DNAH7: variants seen among roughly 807,000 people sequenced by gnomAD.
The protein encoded by DNAH7 is dynein axonemal heavy chain 7, also known as axonemal beta dynein heavy chain 7.
In DNAH7, 397 loss-of-function variants were observed where a neutral mutation model predicts 444.6. The observed-to-expected ratio is 0.89, with a 90% CI of 0.82 to 0.97. DNAH7 has a LOEUF of 0.97. Ranked by LOEUF, DNAH7 falls within the 50% of genes least tolerant of loss-of-function variation. The pLI is 0.00. For synonymous variants in DNAH7, 1,636 were observed against 1,624.4 expected (o/e 1.01, Z -0.17); for missense variants, 4,902 against 4,800.8 (o/e 1.02, Z -0.62).
chr2:195,943,597 T>C (rs1322566471), intron 19 of DNAH7, among the ~76,000 whole-genome samples: 3 of 152,202 alleles, frequency 2.0e-5, no homozygotes, highest in Non-Finnish European at 4.4e-5. Flanking sequence ...TGTTGGCAGC[T>C]TGAGTGCACC....
chr2:195,747,010 A>G (rs915700037), intron 63 of DNAH7, among the ~76,000 whole-genome samples: 6 of 152,174 alleles, frequency 3.9e-5, no homozygotes, highest in Non-Finnish European at 7.4e-5. Context: ...GCAGAACTGA[A>G]GGAAATAGAG....
Position 195,740,791 on chromosome 2 carries a change from T to C in DNAH7, c.11843A>G (p.Lys3948Arg), listed in dbSNP as rs374466394. Residue 3948 changes from lysine to arginine, a missense_variant, in exon 64 of 65, where the codon AAA (lysine) becomes AGA (arginine). Coordinates refer to ENST00000312428, the MANE Select transcript of DNAH7 (RefSeq NM_018897.3). ...CACAGGCACTGTATCATAAAGAATT[T>C]TGGGATGCGATTCTGCAAGTTTCTT... ...KIKKLAESHP[K>R]ILYDTVPVMW... 1 of 1,553,034 alleles carries C rather than the reference T, an allele frequency of 6.4e-7. No individual in the cohort carries two copies. The highest frequency in any genetic ancestry group is 8.7e-7 in the Non-Finnish European group (1 of 1,148,594).
chr2:195,959,130 T>C (rs1690902458), intron 18 of DNAH7, among the ~76,000 whole-genome samples: 1 of 152,182 alleles, frequency 6.6e-6, no homozygotes, highest in African/African-American at 2.4e-5. Flanking sequence ...GTCTTACGTA[T>C]ATTAACACAT....
chr2:195,816,625 TAC>T lies in DNAH7; in HGVS notation c.9761+1_9761+2del. Reference sequence around the variant, plus strand: ...AATATTAACTAGTATTTCCTTTACATACCTTTTTGCCAAAATTTCTGATTTCT... The same window carrying T: ...AATATTAACTAGTATTTCCTTTACATCTTTTTGCCAAAATTTCTGATTTCT... On this transcript the variant is annotated splice_donor_variant, in intron 51 of 64. Transcript: ENST00000312428. LOFTEE classifies it high-confidence loss of function. The T allele has an allele frequency of 6.2e-7, 1 of 1,607,566 alleles. No individual in the cohort carries two copies. Among genetic ancestry groups the T allele is most frequent in the East Asian group, 2.2e-5 (1 of 44,798 alleles).
In DNAH7 at chr2:195,809,021, A is replaced by G. The variant is rs576780781; in HGVS notation, c.9889-145T>C. The G allele has an allele frequency of 4.3e-5, 28 of 650,256 alleles. No homozygotes were observed. In the African/African-American group the frequency reaches 4.4e-4, roughly 10 times the overall value. The allele number at this position is 650,256 out of a possible 1,614,324, so 40.3% of individuals were successfully genotyped here. On this transcript the variant is annotated intron_variant, in intron 52 of 64. Transcript: ENST00000312428. ...ATTCTATAGCTAGTGTTATAGCTCA[A>G]TATTTATTCATAGGAAACCAGTATA...
chr2:195,846,949 A>ATGTCTGTGTGTGTG (rs1553535818), intron 46 of DNAH7, among the ~76,000 whole-genome samples: 3 of 137,158 alleles, frequency 2.2e-5, no homozygotes, highest in African/African-American at 8.5e-5. Context: ...ACTCCCATAT[A>ATGTCTGTGTGTGTG]TGTGTGTGTG....
chr2:196,021,595 G>A (rs1272057824), intron 8 of DNAH7, among the ~76,000 whole-genome samples: 3 of 151,878 alleles, frequency 2.0e-5, no homozygotes, highest in Non-Finnish European at 1.5e-5. Flanking sequence ...CAAGGTGGGA[G>A]GATTTCTTGA....
chr2:196,027,310 C>A (rs1206650000), intron 6 of DNAH7, among the ~76,000 whole-genome samples: 1 of 151,772 alleles, frequency 6.6e-6, no homozygotes, highest in African/African-American at 2.4e-5. Context: ...GTAAGCAAAT[C>A]AGTATCTCTA....
chr2:195,834,488 T>G, intron 47 of DNAH7, 128 bp from the exon 48 acceptor site: 1 of 1,006,540 alleles, frequency 9.9e-7, no homozygotes, highest in African/African-American at 1.6e-5. Flanking sequence ...TTTTAACTTA[T>G]GAGAAACTAT....
At chr2:195,928,409 T>C (rs1688479217) in intron 21 of DNAH7, among the ~76,000 whole-genome samples, 1 of 152,204 alleles carries the variant, frequency 6.6e-6, no homozygotes, top group African/African-American at 2.4e-5. Context: ...TAATGACTTA[T>C]TACTCTATAC....
intron 47 of DNAH7, among the ~76,000 whole-genome samples, chr2:195,835,030 C>T (rs994441347): frequency 1.3e-5 from 2 of 152,116 alleles, no homozygotes; most frequent in African/African-American, 4.8e-5. Context: ...AAAGGCAATA[C>T]CCCAGGAGGA....
intron 21 of DNAH7, among the ~76,000 whole-genome samples, chr2:195,927,672 G>A (rs1688428938): frequency 6.6e-6 from 1 of 151,804 alleles, no homozygotes; most frequent in Non-Finnish European, 1.5e-5. Flanking sequence ...ATAGTTAGAT[G>A]AGGAGAAATA....
chr2:195,950,851 C>CA (rs67782183), intron 19 of DNAH7, among the ~76,000 whole-genome samples: 1,604 of 36,676 alleles, frequency 0.044, 318 homozygotes, highest in East Asian at 0.24. Flanking sequence ...GACTCTGTCT[C>CA]AAAAAAAAAA....
At chr2:195,940,928 T>C (rs554439825) in intron 19 of DNAH7, among the ~76,000 whole-genome samples, 1 of 151,892 alleles carries the variant, frequency 6.6e-6, no homozygotes, top group Admixed American at 6.6e-5. Context: ...TTGGTGGGAG[T>C]GTAAATTAGT....
chr2:196,059,873 C>T (rs1698038631), intron 1 of DNAH7, among the ~76,000 whole-genome samples: 1 of 152,180 alleles, frequency 6.6e-6, no homozygotes, highest in South Asian at 2.1e-4. Flanking sequence ...GATGGCTCTT[C>T]TCTTCGAGCA....
At chr2:195,987,040 T>G (rs749872513) in intron 14 of DNAH7, 26 bp downstream of exon 14, 4 of 1,552,270 alleles carry the variant, frequency 2.6e-6, no homozygotes, top group Non-Finnish European at 3.5e-6. Flanking sequence ...TCCCAAAAAA[T>G]AAAAAAACCA....
intron 64 of DNAH7, 54 bp from the exon 65 acceptor site, chr2:195,738,181 A>G (rs1386644162): frequency 6.7e-7 from 1 of 1,498,026 alleles, no homozygotes; most frequent in African/African-American, 1.4e-5. Context: ...TTAAATGTAC[A>G]TGTGTTTGAG....
At chr2:196,009,117 C>A (rs958473246) in intron 10 of DNAH7, among the ~76,000 whole-genome samples, 2 of 152,086 alleles carry the variant, frequency 1.3e-5, no homozygotes, top group African/African-American at 4.8e-5. Context: ...AGGACAGAAC[C>A]AAGCTATTCA....
intron 12 of DNAH7, among the ~76,000 whole-genome samples, chr2:195,993,133 C>G (rs1446287430): frequency 6.6e-6 from 1 of 152,186 alleles, no homozygotes; most frequent in African/African-American, 2.4e-5. Context: ...GGATCCATGC[C>G]TGCTGCTCCT....
Sources: gnomAD v4.1 joint callset for allele counts (sites outside exome capture counted in the v4.1 genomes callset) on GRCh38, gnomAD v4.1.1 for gene constraint, MANE v1.5 for transcripts, NCBI Gene and HGNC (gene_info 2026-07-23, HGNC 2026-07-21) for gene names.